The following PTPRC variants were observed in gnomAD, a reference collection of about 807,000 sequenced individuals.
PTPRC encodes receptor-type tyrosine-protein phosphatase C.
A neutral mutation model predicts 155.9 loss-of-function variants in PTPRC; 44 were observed. That is an observed-to-expected ratio of 0.28 (90% CI 0.22 to 0.36). The LOEUF (loss-of-function observed/expected upper bound fraction) is 0.36, where lower values mean the gene tolerates loss of function less well. PTPRC is among the 10% of genes least tolerant of loss of function. The pLI is 1.00. For synonymous variants in PTPRC, 525 were observed against 533.1 expected, an observed-to-expected ratio of 0.98 and a Z score of 0.21; for missense variants, 1,401 against 1,564.6, an observed-to-expected ratio of 0.90 and a Z score of 1.76.
At chr1:198,675,248 T>A (rs1422584349) in intron 2 of PTPRC, among the ~76,000 whole-genome samples, 3 of 152,158 alleles carry the variant, frequency 2.0e-5, no homozygotes, top group Non-Finnish European at 4.4e-5. Context: ...ATGGAATTAA[T>A]GTTGATGAGA....
At chr1:198,743,067 C>CAAAAAAAA (rs10628640) in intron 25 of PTPRC, among the ~76,000 whole-genome samples, 34 of 75,920 alleles carry the variant, frequency 4.5e-4, no homozygotes, top group East Asian at 2.6e-3. Context: ...GTCAAAATAG[C>CAAAAAAAA]AAAAAAAAAA....
chr1:198,687,729 A>G (rs1665710294), intron 2 of PTPRC, among the ~76,000 whole-genome samples: 1 of 152,170 alleles, frequency 6.6e-6, no homozygotes, highest in South Asian at 2.1e-4. Flanking sequence ...CATTAAAAAG[A>G]CTGAAAAATA....
At chr1:198,718,036 G>A in intron 13 of PTPRC, 58 bp from the exon 14 acceptor site, 12 of 1,361,198 alleles carry the variant, frequency 8.8e-6, no homozygotes, top group Non-Finnish European at 1.1e-5. Context: ...GTATTGTCAA[G>A]TAATTTACAT....
intron 13 of PTPRC, 124 bp from the exon 14 acceptor site, chr1:198,717,970 A>C: frequency 2.5e-6 from 2 of 802,598 alleles, no homozygotes; most frequent in Non-Finnish European, 4.2e-6. Context: ...TACTATCATA[A>C]CTTCCTTATT....
intron 12 of PTPRC, among the ~76,000 whole-genome samples, chr1:198,715,525 T>C (rs572954939): frequency 6.6e-6 from 1 of 152,168 alleles, no homozygotes; most frequent in South Asian, 2.1e-4. Flanking sequence ...AAGAGATCTT[T>C]TGTGCTTTAT....
chr1:198,713,025 C>T lies in PTPRC; in HGVS notation c.1244C>T (p.Pro415Leu), dbSNP rs370664534. 17 of 1,613,658 alleles carry T rather than the reference C, an allele frequency of 1.1e-5. No individual in the cohort carries two copies. Among genetic ancestry groups the T allele is most frequent in the Non-Finnish European group, 1.4e-5 (17 of 1,179,802 alleles). Residue 415 changes from proline to leucine, a missense_variant, in exon 12 of 33, where the codon CCT (proline) becomes CTT (leucine). By Grantham distance (98) the Pro-to-Leu change is moderately conservative. This residue lies in a region of PTPRC where 867 missense variants were observed against 970.4 expected (regional missense o/e 0.89). Coordinates refer to ENST00000442510, the MANE Select transcript of PTPRC (RefSeq NM_002838.5). ...CAAGGAGTAATTACCTGGAATCCCC[C>T]TCAAAGATCATTTCATAATTTTACC... ...AHQGVITWNP[P>L]QRSFHNFTLC...
intron 13 of PTPRC, among the ~76,000 whole-genome samples, chr1:198,717,320 A>G (rs565301008): frequency 6.6e-6 from 1 of 152,266 alleles, no homozygotes; most frequent in East Asian, 1.9e-4. Flanking sequence ...ATTTTATGTC[A>G]CATTATCCAT....
rs145869320 is a variant in PTPRC, at chr1:198,684,474, T to C, written c.74-7873T>C. On this transcript the variant is annotated intron_variant, in intron 2 of 32. Coordinates refer to ENST00000442510, the MANE Select transcript of PTPRC (RefSeq NM_002838.5). ...CCACAAAAATTTGCCTTCTTTATCC[T>C]CAATACTGCTTTACATACTGATATT... Among the ~76,000 whole-genome samples, 425 of 152,016 alleles carry C rather than the reference T, an allele frequency of 2.8e-3. 1 individual carries two copies. The highest frequency in any genetic ancestry group is 9.7e-3 in the African/African-American group (404 of 41,518).
chr1:198,657,709 G>GCTAA (rs2102238610), intron 2 of PTPRC: 1 of 152,110 alleles, frequency 6.6e-6, no homozygotes, highest in African/African-American at 2.4e-5. Flanking sequence ...CCCCATTCTT[G>GCTAA]CTAAATATTC....
chr1:198,650,100 G>A (rs747292973), intron 2 of PTPRC, among the ~76,000 whole-genome samples: 8 of 151,792 alleles, frequency 5.3e-5, no homozygotes, highest in African/African-American at 9.7e-5. Flanking sequence ...TGGTAGGTTC[G>A]AGGCACAGAA....
chr1:198,677,115 A>G (rs1664998275), intron 2 of PTPRC, among the ~76,000 whole-genome samples: 1 of 152,212 alleles, frequency 6.6e-6, no homozygotes, highest in Non-Finnish European at 1.5e-5. Context: ...GTTAACTGTA[A>G]TGAACATTTA....
chr1:198,750,317 T>A lies in PTPRC; in HGVS notation c.3073-175T>A, dbSNP rs528105912. 3.4e-5 allele frequency: 23 copies of A among 669,054 alleles called. No homozygotes were observed. In the African/African-American group the frequency reaches 3.6e-4, roughly 11 times the overall value. 41.4% of individuals were successfully genotyped at this position (669,054 alleles called of 1,614,324 possible). A position where few individuals can be genotyped will look rare whatever the true frequency, so the allele number is the denominator to read the frequency against. Reference sequence around the variant, plus strand: ...ATTAGCTAAGAATTACTATTATCTGTATAATTATTTTACATATAGCTATTA... The same window carrying A: ...ATTAGCTAAGAATTACTATTATCTGAATAATTATTTTACATATAGCTATTA... On this transcript the variant is annotated intron_variant, in intron 28 of 32. Transcript: ENST00000442510.
At position 198,757,095 on chromosome 1, in the gene PTPRC, AT is replaced by A. The variant is rs550833337; in HGVS notation, c.*919del. ...TTTACATATGAAATTTAATATAGCTATTTTTATGGAATTTTTCATTGATATG... is the reference window on the plus strand; with the variant it reads ...TTTACATATGAAATTTAATATAGCTATTTTATGGAATTTTTCATTGATATG... On this transcript the variant is annotated 3_prime_UTR_variant, in exon 33 of 33. Coordinates refer to ENST00000442510, the MANE Select transcript of PTPRC (RefSeq NM_002838.5). The A allele has an allele frequency of 6.6e-6, 1 of 151,850 alleles. No homozygotes were observed. The highest frequency in any genetic ancestry group is 1.5e-5 in the Non-Finnish European group (1 of 67,818). The allele number at this position is 151,850 out of a possible 1,614,324, so 9.4% of individuals were successfully genotyped here.
intron 2 of PTPRC, among the ~76,000 whole-genome samples, chr1:198,684,890 G>C (rs1198076596): frequency 2.6e-5 from 4 of 151,866 alleles, no homozygotes. Context: ...TCTTATTAGA[G>C]GCTTTGTTCT....
intron 12 of PTPRC, among the ~76,000 whole-genome samples, chr1:198,714,692 C>T (rs1440321299): frequency 6.6e-6 from 1 of 152,162 alleles, no homozygotes; most frequent in East Asian, 1.9e-4. Context: ...ATACCTGTCT[C>T]CTCTCCCATG....
intron 23 of PTPRC, 61 bp downstream of exon 23, chr1:198,735,313 A>T (rs1654584128): frequency 1.5e-6 from 2 of 1,353,068 alleles, no homozygotes; most frequent in African/African-American, 2.9e-5. Flanking sequence ...ATAATTATGG[A>T]ATATTAAAAG....
chr1:198,737,000 G>A (rs1654673145), intron 23 of PTPRC, among the ~76,000 whole-genome samples: 1 of 151,640 alleles, frequency 6.6e-6, no homozygotes, highest in African/African-American at 2.4e-5. Context: ...TTTGAGAAAT[G>A]TCTATTCAGA....
chr1:198,744,952 T>G (rs1182132038), intron 26 of PTPRC, among the ~76,000 whole-genome samples: 1 of 151,610 alleles, frequency 6.6e-6, no homozygotes, highest in Non-Finnish European at 1.5e-5. Flanking sequence ...AATGACCAAG[T>G]GACTCAATCC....
At chr1:198,675,181 ACT>A (rs1001913549) in intron 2 of PTPRC, among the ~76,000 whole-genome samples, 2 of 152,120 alleles carry the variant, frequency 1.3e-5, no homozygotes, top group Non-Finnish European at 2.9e-5. Context: ...GAAAAAAATG[ACT>A]CTATTTTTCC....
Sources: allele counts gnomAD v4.1 joint callset (sites outside exome capture counted in the v4.1 genomes callset), GRCh38; gene constraint gnomAD v4.1.1; regional missense constraint gnomAD v4.1.1; transcripts MANE v1.5; gene names NCBI Gene and HGNC (gene_info 2026-07-23, HGNC 2026-07-21).